The following OTULINL variants were observed in gnomAD, a reference collection of about 807,000 sequenced individuals.
OTULINL encodes OTU deubiquitinase with linear linkage specificity like, also known as inactive ubiquitin thioesterase OTULINL.
A neutral mutation model predicts 43.9 loss-of-function variants in OTULINL; 42 were observed. The observed-to-expected ratio is 0.96, with a 90% confidence interval of 0.75 to 1.24. The LOEUF (loss-of-function observed/expected upper bound fraction) is 1.24. OTULINL is among the 50% of genes most tolerant of loss of function. The pLI is 0.00. For missense variants in OTULINL, 411 were observed against 426.4 expected, an observed-to-expected ratio of 0.96 and a Z score of 0.32; for synonymous variants, 172 against 153.6, an observed-to-expected ratio of 1.12 and a Z score of -0.88.
At chr5:14,583,204 G>A (rs761766296) in intron 1 of OTULINL, among the ~76,000 whole-genome samples, 7 of 152,286 alleles carry the variant, frequency 4.6e-5, no homozygotes, top group South Asian at 4.1e-4. Flanking sequence ...GGAGTCAGAG[G>A]ACATCATTCT....
chr5:14,600,892 T>C (rs1759373380), intron 1 of OTULINL, 73 bp from the exon 2 acceptor site: 1 of 1,255,968 alleles, frequency 8.0e-7, no homozygotes, highest in African/African-American at 1.6e-5. Context: ...TCTCTCTGCA[T>C]TTTTTTTCTC....
In OTULINL at chr5:14,610,778, A is replaced by G. The variant is rs1759567992; in HGVS notation, c.*464A>G. The G allele has an allele frequency of 1.3e-5, 2 of 156,150 alleles. No individual in the cohort carries two copies. Among genetic ancestry groups the G allele is most frequent in the African/African-American group, 2.4e-5 (1 of 41,460 alleles). 9.7% of individuals were successfully genotyped at this position (156,150 alleles called of 1,614,324 possible). A position where few individuals can be genotyped will look rare whatever the true frequency, so the allele number is the denominator to read the frequency against. On this transcript the variant is annotated 3_prime_UTR_variant, in exon 8 of 8. Coordinates refer to ENST00000274217, the MANE Select transcript of OTULINL (RefSeq NM_019018.3). ...TTATATAAGCATTACCTTCCCAGGA[A>G]TCTTTGTTGTATATTAATTTTTGAT...
Position 14,613,191 on chromosome 5 carries a change from G to C in OTULINL, c.*2877G>C, listed in dbSNP as rs867754761. Among the ~76,000 whole-genome samples the C allele has an allele frequency of 1.6e-4, 25 of 152,246 alleles. No individual in the cohort carries two copies. The highest frequency in any genetic ancestry group is 5.1e-4 in the African/African-American group (21 of 41,544). On this transcript the variant is annotated 3_prime_UTR_variant, in exon 8 of 8. Coordinates refer to ENST00000274217, the MANE Select transcript of OTULINL (RefSeq NM_019018.3). The stretch of plus-strand genomic sequence containing the variant: ...CCTACCTCGGCATCCCAAAGTGCTG[G>C]GATTACGGGTGTGAGCCACTGCGCC...
chr5:14,585,989 G>A (rs1351327313), intron 1 of OTULINL, among the ~76,000 whole-genome samples: 1 of 152,196 alleles, frequency 6.6e-6, no homozygotes, highest in Non-Finnish European at 1.5e-5. Context: ...GGTACAGGAG[G>A]AGAGAGATTA....
intron 1 of OTULINL, 151 bp from the exon 2 acceptor site, chr5:14,600,814 T>C: frequency 2.6e-6 from 2 of 782,578 alleles, no homozygotes; most frequent in Non-Finnish European, 3.5e-6. Context: ...TTGGATTGAA[T>C]TTTTAAATAC....
chr5:14,595,514 G>A (rs1759270165), intron 1 of OTULINL, among the ~76,000 whole-genome samples: 1 of 151,814 alleles, frequency 6.6e-6, no homozygotes, highest in Non-Finnish European at 1.5e-5. Flanking sequence ...TTTGTTTTCA[G>A]GGTTTTGGGG....
chr5:14,597,188 T>TA (rs2126777142), intron 1 of OTULINL, among the ~76,000 whole-genome samples: 1 of 152,290 alleles, frequency 6.6e-6, no homozygotes, highest in South Asian at 2.1e-4. Flanking sequence ...ATTGGGTACT[T>TA]ATGGTGTGTG....
chr5:14,595,894 A>T (rs1043674930), intron 1 of OTULINL, among the ~76,000 whole-genome samples: 1 of 152,096 alleles, frequency 6.6e-6, no homozygotes, highest in South Asian at 2.1e-4. Context: ...ACACTTTGCA[A>T]TATAACAGAC....
In OTULINL at chr5:14,614,626, C is replaced by T. The variant is rs1460739750; in HGVS notation, c.*4312C>T. On this transcript the variant is annotated 3_prime_UTR_variant, in exon 8 of 8. Transcript: ENST00000274217. ...AAACACTCACTCACGTATTCAGCCACGTATGGTCTGGAGTGCTCTGTAGAA... is the reference window on the plus strand; with the variant it reads ...AAACACTCACTCACGTATTCAGCCATGTATGGTCTGGAGTGCTCTGTAGAA... 10 of 398,622 alleles carry T rather than the reference C, an allele frequency of 2.5e-5. No homozygotes were observed. The highest frequency in any genetic ancestry group is 3.6e-5 in the East Asian group (1 of 28,080). 24.7% of individuals were successfully genotyped at this position (398,622 alleles called of 1,614,324 possible).
intron 7 of OTULINL, 59 bp from the exon 8 acceptor site, chr5:14,610,082 G>A: frequency 2.7e-6 from 4 of 1,469,826 alleles, no homozygotes; most frequent in South Asian, 2.3e-5. Context: ...CCCCCACCGT[G>A]GCGGGAGGCA....
At position 14,601,556 on chromosome 5, in the gene OTULINL, G is replaced by C; in HGVS notation, c.348+114G>C. 7 of 946,984 alleles carry C rather than the reference G, an allele frequency of 7.4e-6. No individual in the cohort carries two copies. The South Asian group carries it at 1.2e-4, about 16-fold the overall frequency. 58.7% of individuals were successfully genotyped at this position (946,984 alleles called of 1,614,324 possible). A position where few individuals can be genotyped will look rare whatever the true frequency, so the allele number is the denominator to read the frequency against. On this transcript the variant is annotated intron_variant, in intron 4 of 7. Coordinates refer to ENST00000274217, the MANE Select transcript of OTULINL (RefSeq NM_019018.3). ...GATATCCATCAGTACCAAAATGTGA[G>C]TCAAGTAACAACTGTGGCTCTAACT...
At chr5:14,588,893 A>C (rs1310810093) in intron 1 of OTULINL, among the ~76,000 whole-genome samples, 1 of 152,224 alleles carries the variant, frequency 6.6e-6, no homozygotes, top group Admixed American at 6.5e-5. Flanking sequence ...AGCAGTACCC[A>C]GCACCCAGGG....
At chr5:14,582,006 C>A in intron 1 of OTULINL, 48 bp downstream of exon 1, 1 of 1,199,602 alleles carries the variant, frequency 8.3e-7, no homozygotes, top group Non-Finnish European at 1.0e-6. Flanking sequence ...GAGCAGGGAC[C>A]GTCAAGGCGG....
intron 1 of OTULINL, among the ~76,000 whole-genome samples, chr5:14,587,114 A>C (rs1438992661): frequency 6.6e-6 from 1 of 152,206 alleles, no homozygotes; most frequent in East Asian, 1.9e-4. Context: ...TTTAGTCTCC[A>C]AGTTTAAGAG....
At chr5:14,584,633 A>AT (rs1283008086) in intron 1 of OTULINL, among the ~76,000 whole-genome samples, 4 of 152,164 alleles carry the variant, frequency 2.6e-5, no homozygotes, top group African/African-American at 9.7e-5. Context: ...AAGCACTCAA[A>AT]TGTTAGCTGC....
chr5:14,603,833 A>G (rs888772006), intron 5 of OTULINL, among the ~76,000 whole-genome samples: 6 of 152,208 alleles, frequency 3.9e-5, no homozygotes, highest in African/African-American at 1.4e-4. Flanking sequence ...TAAATGCAGT[A>G]TGTCTAATAT....
At chr5:14,601,301 AG>A (rs1759385012) in intron 3 of OTULINL, 49 bp from the exon 4 acceptor site, 1 of 1,610,394 alleles carries the variant, frequency 6.2e-7, no homozygotes, top group Admixed American at 1.7e-5. Flanking sequence ...GGGTTCAAGA[AG>A]GGAGAAGAAA....
chr5:14,609,559 G>GT (rs771930572), intron 7 of OTULINL, among the ~76,000 whole-genome samples: 1 of 150,020 alleles, frequency 6.7e-6, no homozygotes, highest in Admixed American at 6.6e-5. Flanking sequence ...AAATAATGTA[G>GT]TTTTTATCAT....
chr5:14,614,069 A>G lies in OTULINL; in HGVS notation c.*3755A>G, dbSNP rs1206579049. 2.0e-5 allele frequency among the ~76,000 whole-genome samples: 3 copies of G among 152,238 alleles called. No homozygotes were observed. The highest frequency in any genetic ancestry group is 4.4e-5 in the Non-Finnish European group (3 of 68,032). On this transcript the variant is annotated 3_prime_UTR_variant, in exon 8 of 8. Coordinates refer to ENST00000274217, the MANE Select transcript of OTULINL (RefSeq NM_019018.3). ...GTGAAAATATATGCAAGCATGAATA[A>G]AGGGTTGACTAATTCCAGAATTAGC...
Sources: gnomAD v4.1 joint callset for allele counts (sites outside exome capture counted in the v4.1 genomes callset) on GRCh38, gnomAD v4.1.1 for gene constraint, MANE v1.5 for transcripts, NCBI Gene and HGNC (gene_info 2026-07-23, HGNC 2026-07-21) for gene names.